ARL15: variants seen among roughly 807,000 people sequenced by gnomAD.
The protein encoded by ARL15 is ADP-ribosylation factor-like protein 15.
A neutral mutation model predicts 25.2 loss-of-function variants in ARL15; 19 were observed. The observed-to-expected ratio is 0.75, with a 90% CI of 0.53 to 1.10. The LOEUF (loss-of-function observed/expected upper bound fraction) is 1.10. Among genes scored for constraint, ARL15 ranks in the 50% least tolerant of loss-of-function variants. The probability of loss-of-function intolerance (pLI) is 0.00; values close to 1 mark genes in which losing one functional copy is unlikely to be tolerated. For missense variants in ARL15, 220 were observed against 246.0 expected (o/e 0.89, Z 0.71); for synonymous variants, 94 against 86.8 (o/e 1.08, Z -0.46).
chr5:54,006,471 A>ATT (rs113755017), intron 4 of ARL15, among the ~76,000 whole-genome samples: 2 of 148,214 alleles, frequency 1.3e-5, no homozygotes, highest in African/African-American at 2.5e-5. Flanking sequence ...ATAACAATTG[A>ATT]TTTTTTTTTT....
chr5:54,144,958 C>T (rs1043938336), intron 3 of ARL15, among the ~76,000 whole-genome samples: 5 of 152,184 alleles, frequency 3.3e-5, no homozygotes, highest in South Asian at 2.1e-4. Context: ...ATAATCCTGA[C>T]GAATTCCTCT....
chr5:54,113,820 G>T (rs1403071699), intron 3 of ARL15, among the ~76,000 whole-genome samples: 1 of 152,126 alleles, frequency 6.6e-6, no homozygotes, highest in African/African-American at 2.4e-5. Flanking sequence ...ATCCACCAAC[G>T]CTTCTTTCCA....
At chr5:54,263,955 G>A (rs552125568) in intron 1 of ARL15, among the ~76,000 whole-genome samples, 44 of 152,120 alleles carry the variant, frequency 2.9e-4, no homozygotes, top group African/African-American at 1.0e-3. Flanking sequence ...TTGTTGTCAT[G>A]TTAAACTCCA....
intron 1 of ARL15, among the ~76,000 whole-genome samples, chr5:54,233,205 C>T (rs1040474256): frequency 1.3e-5 from 2 of 152,184 alleles, no homozygotes; most frequent in Admixed American, 1.3e-4. Context: ...CATTTCTGCT[C>T]TATGTAAAAG....
At chr5:54,145,184 T>C (rs925548456) in intron 3 of ARL15, among the ~76,000 whole-genome samples, 2 of 152,166 alleles carry the variant, frequency 1.3e-5, no homozygotes, top group African/African-American at 2.4e-5. Context: ...ATCATGTACG[T>C]TGCTTAAATT....
At chr5:54,103,543 A>G (rs1464828799) in intron 4 of ARL15, among the ~76,000 whole-genome samples, 1 of 152,174 alleles carries the variant, frequency 6.6e-6, no homozygotes. Flanking sequence ...AGATACCAAT[A>G]AACAAAAGTG....
rs967347400 is a variant in ARL15 at position 53,996,723 on chromosome 5, G to C, written c.463-110010C>G. ...GTTTTTCTTTTGCTACCTAAAAATA[G>C]GTTTCTGAGGCTGGTTAGGTGAAAG... On this transcript the variant is annotated intron_variant, in intron 4 of 4. Coordinates refer to ENST00000504924, the MANE Select transcript of ARL15 (RefSeq NM_019087.3). Among the ~76,000 whole-genome samples the C allele has an allele frequency of 2.5e-4, 38 of 151,832 alleles. 1 individual carries two copies. Among genetic ancestry groups the C allele is most frequent in the African/African-American group, 8.7e-4 (36 of 41,286 alleles).
chr5:53,958,344 G>A (rs369965999), intron 4 of ARL15, among the ~76,000 whole-genome samples: 1 of 152,152 alleles, frequency 6.6e-6, no homozygotes, highest in African/African-American at 2.4e-5. Flanking sequence ...TGTTACGTTG[G>A]TATCAAGTAA....
chr5:53,996,640 A>G lies in ARL15; in HGVS notation c.463-109927T>C, dbSNP rs1367444616. On this transcript the variant is annotated intron_variant, in intron 4 of 4. Transcript: ENST00000504924. ...TCATAAAAAAAAAAAAAAAAAAAAAAAGAGAACACCCCTTCAGCTTGTGAC... is the reference window on the plus strand; with the variant it reads ...TCATAAAAAAAAAAAAAAAAAAAAAGAGAGAACACCCCTTCAGCTTGTGAC... 3.4e-5 allele frequency among the ~76,000 whole-genome samples: 5 copies of G among 148,382 alleles called. No homozygotes were observed. In the East Asian group the frequency reaches 5.9e-4, roughly 17 times the overall value.
At chr5:54,252,139 C>T (rs1209218490) in intron 1 of ARL15, among the ~76,000 whole-genome samples, 1 of 152,176 alleles carries the variant, frequency 6.6e-6, no homozygotes, top group East Asian at 1.9e-4. Flanking sequence ...GTCTGTGAGT[C>T]ATCAGGCAGA....
Position 53,910,633 on chromosome 5 carries a change from TTATATATATATATATATA to T in ARL15, c.463-23938_463-23921del, listed in dbSNP as rs70986649. On this transcript the variant is annotated intron_variant, in intron 4 of 4. Transcript: ENST00000504924. ...GAACTTAAAGTATAATAAAAAAAAA[TTATATATATATATATATA>T]TATATATATATATATATATATAAAG... Among the ~76,000 whole-genome samples, 37 of 55,004 alleles carry T rather than the reference TTATATATATATATATATA, an allele frequency of 6.7e-4. 2 individuals carry two copies. The highest frequency in any genetic ancestry group is 2.4e-3 in the African/African-American group (33 of 13,528). 36.1% of individuals were successfully genotyped at this position (55,004 alleles called of 152,430 possible). A position where few individuals can be genotyped will look rare whatever the true frequency, so the allele number is the denominator to read the frequency against.
chr5:54,196,325 A>G (rs1162044067), intron 1 of ARL15, among the ~76,000 whole-genome samples: 1 of 152,094 alleles, frequency 6.6e-6, no homozygotes, highest in Non-Finnish European at 1.5e-5. Flanking sequence ...ACTATTTAGA[A>G]GTTGAACACT....
chr5:54,211,127 T>C lies in ARL15; in HGVS notation c.49-39199A>G, dbSNP rs575099827. Among the ~76,000 whole-genome samples, 6 of 152,336 alleles carry C rather than the reference T, an allele frequency of 3.9e-5. No individual in the cohort carries two copies. In the South Asian group the frequency reaches 8.3e-4, roughly 21 times the overall value. Reference sequence around the variant, plus strand: ...TATAGCTATTACTGAACTAGAAATGTATTTTCAGTTTATCTTCCCAAATCA... The same window carrying C: ...TATAGCTATTACTGAACTAGAAATGCATTTTCAGTTTATCTTCCCAAATCA... On this transcript the variant is annotated intron_variant, in intron 1 of 4. Coordinates refer to ENST00000504924, the MANE Select transcript of ARL15 (RefSeq NM_019087.3).
intron 3 of ARL15, among the ~76,000 whole-genome samples, chr5:54,117,077 A>G (rs985700553): frequency 2.6e-5 from 4 of 152,322 alleles, no homozygotes; most frequent in Non-Finnish European, 4.4e-5. Context: ...CTAAAGAGAT[A>G]TTTAGAAAGC....
chr5:54,214,982 A>C (rs1756146555), intron 1 of ARL15, among the ~76,000 whole-genome samples: 1 of 152,072 alleles, frequency 6.6e-6, no homozygotes, highest in Non-Finnish European at 1.5e-5. Context: ...AACAACATGA[A>C]AGGGCAAAAT....
chr5:54,115,550 C>T (rs1438231736), intron 3 of ARL15, among the ~76,000 whole-genome samples: 1 of 152,122 alleles, frequency 6.6e-6, no homozygotes, highest in African/African-American at 2.4e-5. Context: ...AAAAGAAAAG[C>T]TCATACAATT....
chr5:54,205,475 T>C (rs1755843836), intron 1 of ARL15, among the ~76,000 whole-genome samples: 1 of 152,176 alleles, frequency 6.6e-6, no homozygotes, highest in Non-Finnish European at 1.5e-5. Flanking sequence ...GGACCACCCT[T>C]GGCAAAATAA....
intron 1 of ARL15, among the ~76,000 whole-genome samples, chr5:54,212,577 C>T (rs1020694281): frequency 6.6e-6 from 1 of 152,176 alleles, no homozygotes; most frequent in East Asian, 1.9e-4. Flanking sequence ...TGGGGCTAGA[C>T]ACATTGCTGC....
chr5:54,230,517 G>A (rs969732300), intron 1 of ARL15, among the ~76,000 whole-genome samples: 11 of 151,980 alleles, frequency 7.2e-5, no homozygotes, highest in African/African-American at 2.7e-4. Flanking sequence ...CAAATGCCAT[G>A]GGACTACGTC....
Sources: allele counts gnomAD v4.1 joint callset (sites outside exome capture counted in the v4.1 genomes callset), GRCh38; gene constraint gnomAD v4.1.1; transcripts MANE v1.5; gene names NCBI Gene and HGNC (gene_info 2026-07-23, HGNC 2026-07-21).